Variants in PTPRG observed in about 807,000 individuals in gnomAD.
PTPRG encodes receptor-type tyrosine-protein phosphatase gamma.
A neutral mutation model predicts 165.3 loss-of-function variants in PTPRG; 102 were observed. The ratio of observed to expected loss-of-function variants is 0.62; its 90% CI spans 0.53 to 0.73. PTPRG has a LOEUF of 0.73. PTPRG is among the 30% of genes least tolerant of loss of function. PTPRG has a pLI of 0.00. For synonymous variants in PTPRG, 675 were observed against 669.5 expected, an observed-to-expected ratio of 1.01 and a Z score of -0.13; for missense variants, 1,866 against 1,861.4, an observed-to-expected ratio of 1.00 and a Z score of -0.05.
At chr3:61,943,033 C>G (rs373761609) in intron 2 of PTPRG, among the ~76,000 whole-genome samples, 1 of 152,172 alleles carries the variant, frequency 6.6e-6, no homozygotes, top group East Asian at 1.9e-4. Flanking sequence ...GGGGACTTTA[C>G]GCCAGGTATG....
intron 19 of PTPRG, 44 bp downstream of exon 19, chr3:62,267,863 CAA>C (rs747004978): frequency 1.3e-6 from 2 of 1,595,142 alleles, no homozygotes; most frequent in South Asian, 1.1e-5. Flanking sequence ...CACCTTCATT[CAA>C]AAGATACTTG....
At chr3:61,887,773 T>C (rs1470159434) in intron 2 of PTPRG, among the ~76,000 whole-genome samples, 1 of 150,702 alleles carries the variant, frequency 6.6e-6, no homozygotes, top group Admixed American at 6.6e-5. Flanking sequence ...AGGGCAAAAA[T>C]GAAGACCTCA....
chr3:62,051,381 A>C (rs187753685), intron 4 of PTPRG, among the ~76,000 whole-genome samples: 2 of 152,188 alleles, frequency 1.3e-5, no homozygotes, highest in African/African-American at 4.8e-5. Flanking sequence ...CAAGCCTCCC[A>C]GTGACATGAT....
chr3:62,242,793 G>T (rs1205563256), intron 14 of PTPRG, among the ~76,000 whole-genome samples: 1 of 152,146 alleles, frequency 6.6e-6, no homozygotes, highest in Non-Finnish European at 1.5e-5. Flanking sequence ...TTATCTGGTA[G>T]TTGGAATACG....
chr3:61,712,354 C>A, intron 1 of PTPRG, among the ~76,000 whole-genome samples: 1 of 151,100 alleles, frequency 6.6e-6, no homozygotes, highest in African/African-American at 2.4e-5. Context: ...AAAGAGAGAA[C>A]ACTGGAGAAT....
At chr3:61,568,775 G>A (rs560666739) in intron 1 of PTPRG, among the ~76,000 whole-genome samples, 1 of 152,040 alleles carries the variant, frequency 6.6e-6, no homozygotes, top group Non-Finnish European at 1.5e-5. Context: ...GGGCATGGTG[G>A]TGCACACCTG....
At chr3:62,262,645 TTATAAA>T in intron 16 of PTPRG, 147 bp from the exon 17 acceptor site, 1 of 510,700 alleles carries the variant, frequency 2.0e-6, no homozygotes, top group Non-Finnish European at 3.5e-6. Flanking sequence ...CATAAACTCG[TTATAAA>T]TATATCAATA....
chr3:62,205,362 G>A (rs1157511034), intron 12 of PTPRG, among the ~76,000 whole-genome samples: 2 of 152,154 alleles, frequency 1.3e-5, no homozygotes, highest in Non-Finnish European at 2.9e-5. Context: ...AAACATGTAC[G>A]GAATGCCCAC....
chr3:61,762,142 G>A (rs985340779), intron 2 of PTPRG, among the ~76,000 whole-genome samples: 12 of 152,114 alleles, frequency 7.9e-5, no homozygotes, highest in Admixed American at 2.6e-4. Flanking sequence ...CTGTTGATAA[G>A]TACATGGTCC....
intron 2 of PTPRG, among the ~76,000 whole-genome samples, chr3:61,968,817 A>G (rs1045433716): frequency 6.6e-6 from 1 of 152,178 alleles, no homozygotes; most frequent in Non-Finnish European, 1.5e-5. Context: ...GTGATACTTC[A>G]TGGGACTGTG....
chr3:62,211,046 G>T (rs1177325364), intron 12 of PTPRG, among the ~76,000 whole-genome samples: 2 of 152,168 alleles, frequency 1.3e-5, no homozygotes, highest in Non-Finnish European at 2.9e-5. Context: ...AGAGGTATTT[G>T]TAGACCCATG....
At chr3:62,215,214 T>C (rs1207788487) in intron 12 of PTPRG, among the ~76,000 whole-genome samples, 1 of 152,176 alleles carries the variant, frequency 6.6e-6, no homozygotes, top group Non-Finnish European at 1.5e-5. Flanking sequence ...CAGGAGCAGA[T>C]TTGACTTGGT....
intron 2 of PTPRG, among the ~76,000 whole-genome samples, chr3:61,811,042 T>G (rs1040066005): frequency 3.3e-5 from 5 of 152,186 alleles, no homozygotes; most frequent in African/African-American, 1.2e-4. Flanking sequence ...ATTGTTCGAA[T>G]GTGACACTTT....
chr3:61,803,418 G>C (rs2035307539), intron 2 of PTPRG, among the ~76,000 whole-genome samples: 2 of 131,270 alleles, frequency 1.5e-5, no homozygotes, highest in African/African-American at 6.3e-5. Context: ...CTTACTAAGG[G>C]ACATTGCAAT....
chr3:61,871,583 C>T (rs1035023216), intron 2 of PTPRG, among the ~76,000 whole-genome samples: 18 of 152,090 alleles, frequency 1.2e-4, no homozygotes, highest in African/African-American at 3.9e-4. Flanking sequence ...ATCCTCTGGG[C>T]CCTGTTGGAT....
intron 17 of PTPRG, among the ~76,000 whole-genome samples, chr3:62,264,830 T>C (rs1452388666): frequency 3.3e-5 from 5 of 152,188 alleles, no homozygotes; most frequent in Non-Finnish European, 5.9e-5. Context: ...TGCTAGATTA[T>C]ATGGTAATTC....
rs144666954 is a variant in PTPRG, at chr3:61,805,775, A to G, written c.190+56793A>G. ...GTGTGATTGGAAGGACAGAAGGGAGATTTCCCTTTAGTCATTCTTACCTAG... is the reference window on the plus strand; with the variant it reads ...GTGTGATTGGAAGGACAGAAGGGAGGTTTCCCTTTAGTCATTCTTACCTAG... On this transcript the variant is annotated intron_variant, in intron 2 of 29. Coordinates refer to ENST00000474889, the MANE Select transcript of PTPRG (RefSeq NM_002841.4). 8.2e-4 allele frequency among the ~76,000 whole-genome samples: 125 copies of G among 152,244 alleles called. 1 individual carries two copies. The highest frequency in any genetic ancestry group is 2.9e-3 in the African/African-American group (122 of 41,542).
intron 1 of PTPRG, among the ~76,000 whole-genome samples, chr3:61,699,145 A>G (rs561024438): frequency 6.6e-6 from 1 of 152,302 alleles, no homozygotes; most frequent in Admixed American, 6.5e-5. Flanking sequence ...TGTTGTGCAC[A>G]TGTACCCTAA....
At chr3:62,161,151 A>G (rs764042210) in intron 7 of PTPRG, among the ~76,000 whole-genome samples, 4 of 152,118 alleles carry the variant, frequency 2.6e-5, no homozygotes, top group Non-Finnish European at 5.9e-5. Flanking sequence ...ATGGTGGAAT[A>G]TGTATAAAAT....
Sources: allele counts gnomAD v4.1 joint callset (sites outside exome capture counted in the v4.1 genomes callset), GRCh38; gene constraint gnomAD v4.1.1; transcripts MANE v1.5; gene names NCBI Gene and HGNC (gene_info 2026-07-23, HGNC 2026-07-21).